CCDC146: variants seen among roughly 807,000 people sequenced by gnomAD.
CCDC146 encodes the protein coiled-coil domain containing 146, also known as coiled-coil domain-containing protein 146.
In CCDC146, 92 loss-of-function variants were observed where a neutral mutation model predicts 119.3. The observed-to-expected ratio is 0.77, with a 90% CI of 0.65 to 0.92. The LOEUF is 0.92. CCDC146 is among the 40% of genes least tolerant of loss of function. The pLI, the probability that CCDC146 is intolerant of heterozygous loss-of-function variation, is 0.00. For synonymous variants in CCDC146, 372 were observed against 371.8 expected, an observed-to-expected ratio of 1.00 and a Z score of -0.01; for missense variants, 1,000 against 1,103.0, an observed-to-expected ratio of 0.91 and a Z score of 1.32.
intron 1 of CCDC146, among the ~76,000 whole-genome samples, chr7:77,163,257 G>A (rs1289266780): frequency 6.6e-6 from 1 of 152,144 alleles, no homozygotes; most frequent in East Asian, 1.9e-4. Context: ...AGACCAGCAT[G>A]GCCAACATGG....
chr7:77,220,626 C>A (rs1792386718), intron 2 of CCDC146, among the ~76,000 whole-genome samples: 1 of 152,198 alleles, frequency 6.6e-6, no homozygotes, highest in Non-Finnish European at 1.5e-5. Flanking sequence ...TGACTTCCTG[C>A]AACACTTTAT....
At chr7:77,277,621 T>C (rs3114328) in intron 11 of CCDC146, among the ~76,000 whole-genome samples, 139,867 of 152,282 alleles carry the variant, frequency 0.92, 64,428 homozygotes, top group African/African-American at 0.98. Context: ...CTATCACCCC[T>C]AAGACAGAAT....
At chr7:77,224,583 G>A (rs1792469131) in intron 2 of CCDC146, among the ~76,000 whole-genome samples, 1 of 152,144 alleles carries the variant, frequency 6.6e-6, no homozygotes, top group South Asian at 2.1e-4. Flanking sequence ...TGCACATCCT[G>A]GGGGATGCGG....
At position 77,151,546 on chromosome 7, in the gene CCDC146, G is replaced by T. The variant is rs377371417; in HGVS notation, c.-11-16112G>T. Among the ~76,000 whole-genome samples, 44 of 152,154 alleles carry T rather than the reference G, an allele frequency of 2.9e-4. 1 individual carries two copies. In the East Asian group the frequency reaches 7.9e-3, roughly 27 times the overall value. ...TGGTAGTGATCACACAACTGTCAACGTTTGTAAAATCTCATTGAATTGTAC... is the reference window on the plus strand; with the variant it reads ...TGGTAGTGATCACACAACTGTCAACTTTTGTAAAATCTCATTGAATTGTAC... On this transcript the variant is annotated intron_variant, in intron 1 of 18. Coordinates refer to ENST00000285871, the MANE Select transcript of CCDC146 (RefSeq NM_020879.3).
intron 1 of CCDC146, among the ~76,000 whole-genome samples, chr7:77,134,785 T>C (rs1462872071): frequency 1.3e-5 from 2 of 152,158 alleles, no homozygotes; most frequent in African/African-American, 2.4e-5. Context: ...CCAGGGTTGG[T>C]ACCTGAGCTG....
intron 2 of CCDC146, among the ~76,000 whole-genome samples, chr7:77,229,535 T>C (rs1792579139): frequency 6.6e-6 from 1 of 152,228 alleles, no homozygotes; most frequent in Non-Finnish European, 1.5e-5. Context: ...CTTCTGCATA[T>C]GGCTATCCGG....
intron 2 of CCDC146, among the ~76,000 whole-genome samples, chr7:77,201,587 AAACTT>A (rs1791989789): frequency 1.3e-5 from 2 of 151,974 alleles, no homozygotes; most frequent in Admixed American, 6.5e-5. Context: ...AAGAAAAAAA[AAACTT>A]AGAGCACTTA....
chr7:77,210,690 G>A (rs1208114385), intron 2 of CCDC146, among the ~76,000 whole-genome samples: 1 of 152,186 alleles, frequency 6.6e-6, no homozygotes, highest in Non-Finnish European at 1.5e-5. Context: ...CTGAGACTGG[G>A]TAATTTATAA....
chr7:77,206,032 G>T (rs1792073876), intron 2 of CCDC146, among the ~76,000 whole-genome samples: 1 of 152,078 alleles, frequency 6.6e-6, no homozygotes, highest in Non-Finnish European at 1.5e-5. Context: ...CTTCAGCTGG[G>T]TATATATGTA....
intron 11 of CCDC146, among the ~76,000 whole-genome samples, chr7:77,278,297 T>G (rs1042921349): frequency 2.6e-5 from 4 of 152,190 alleles, no homozygotes; most frequent in Non-Finnish European, 5.9e-5. Flanking sequence ...GCGTTTTCTC[T>G]TCTCTCGTTT....
At chr7:77,190,798 C>T (rs900909926) in intron 2 of CCDC146, among the ~76,000 whole-genome samples, 17 of 152,124 alleles carry the variant, frequency 1.1e-4, no homozygotes, top group African/African-American at 4.1e-4. Flanking sequence ...CGGCTTGTTA[C>T]CTCTGGGGAG....
At chr7:77,218,787 G>C (rs1299011039) in intron 2 of CCDC146, among the ~76,000 whole-genome samples, 1 of 151,708 alleles carries the variant, frequency 6.6e-6, no homozygotes, top group East Asian at 1.9e-4. Flanking sequence ...GCCTAGGCTG[G>C]TCCCTAACTC....
At chr7:77,265,796 T>C (rs1793390835) in intron 9 of CCDC146, among the ~76,000 whole-genome samples, 1 of 152,262 alleles carries the variant, frequency 6.6e-6, no homozygotes, top group African/African-American at 2.4e-5. Context: ...CACAAAGGCA[T>C]CATCACTTCC....
intron 1 of CCDC146, among the ~76,000 whole-genome samples, chr7:77,161,436 A>T (rs1194646827): frequency 2.0e-5 from 3 of 151,910 alleles, no homozygotes; most frequent in Admixed American, 6.6e-5. Context: ...GCACATATAC[A>T]CCATGGAATA....
intron 2 of CCDC146, among the ~76,000 whole-genome samples, chr7:77,183,795 G>A (rs773053281): frequency 6.6e-6 from 1 of 152,172 alleles, no homozygotes; most frequent in African/African-American, 2.4e-5. Context: ...CTTTGGGAAC[G>A]TTGAGAACAG....
chr7:77,274,057 A>G (rs1024806195), intron 10 of CCDC146, among the ~76,000 whole-genome samples: 1 of 152,158 alleles, frequency 6.6e-6, no homozygotes, highest in Non-Finnish European at 1.5e-5. Context: ...TAAACCACAG[A>G]TGTTTTATTT....
chr7:77,281,534 TTTGA>T (rs1398015314), intron 14 of CCDC146, among the ~76,000 whole-genome samples: 1 of 152,220 alleles, frequency 6.6e-6, no homozygotes, highest in Non-Finnish European at 1.5e-5. Context: ...TTAAGCAAAC[TTTGA>T]TTGTGTGCTA....
intron 1 of CCDC146, among the ~76,000 whole-genome samples, chr7:77,150,346 T>G (rs1258293162): frequency 6.6e-6 from 1 of 152,064 alleles, no homozygotes; most frequent in East Asian, 1.9e-4. Flanking sequence ...CAAGGAACTC[T>G]CACAACTTAA....
At chr7:77,191,754 A>C (rs900933732) in intron 2 of CCDC146, among the ~76,000 whole-genome samples, 1 of 151,834 alleles carries the variant, frequency 6.6e-6, no homozygotes, top group African/African-American at 2.4e-5. Context: ...TAAAAATACA[A>C]AACAAATTAG....
Sources: allele counts gnomAD v4.1 joint callset (sites outside exome capture counted in the v4.1 genomes callset), GRCh38; gene constraint gnomAD v4.1.1; transcripts MANE v1.5; gene names NCBI Gene and HGNC (gene_info 2026-07-23, HGNC 2026-07-21).